Variants in EHBP1 observed in about 807,000 individuals in gnomAD.
EHBP1 encodes the protein EH domain-binding protein 1.
Under a neutral mutation model 144.0 loss-of-function variants are expected in EHBP1, and 55 were observed. That is an observed-to-expected ratio of 0.38 (90% CI 0.31 to 0.48). The LOEUF (loss-of-function observed/expected upper bound fraction) is 0.48. Among genes scored for constraint, EHBP1 ranks in the 20% least tolerant of loss-of-function variants. The pLI is 0.98. For missense variants in EHBP1, 1,200 were observed against 1,364.2 expected (o/e 0.88, Z 1.90); for synonymous variants, 469 against 472.7 (o/e 0.99, Z 0.10).
chr2:62,726,654 A>G (rs1388611870), intron 2 of EHBP1: 2 of 152,168 alleles, frequency 1.3e-5, no homozygotes, highest in Non-Finnish European at 2.9e-5. Flanking sequence ...TGTTAAGTGC[A>G]CTATTGAGAA....
chr2:62,716,592 A>G (rs1303552356), intron 2 of EHBP1, among the ~76,000 whole-genome samples: 4 of 152,238 alleles, frequency 2.6e-5, no homozygotes, highest in Admixed American at 2.6e-4. Flanking sequence ...TTAGTTTGCA[A>G]AGAAAAATAA....
intron 1 of EHBP1, among the ~76,000 whole-genome samples, chr2:62,691,192 A>C (rs541014876): frequency 6.6e-6 from 1 of 152,270 alleles, no homozygotes; most frequent in African/African-American, 2.4e-5. Context: ...CACCAAAATA[A>C]CTTTGTCTTA....
chr2:62,955,476 GT>G (rs5831652), intron 13 of EHBP1, 40 bp from the exon 14 acceptor site: 2,282 of 1,347,132 alleles, frequency 1.7e-3, no homozygotes, highest in South Asian at 4.9e-3. Context: ...TAGATTACCC[GT>G]TTTTTTTTTG....
At chr2:62,736,577 G>T (rs2038160280) in intron 2 of EHBP1, among the ~76,000 whole-genome samples, 1 of 152,200 alleles carries the variant, frequency 6.6e-6, no homozygotes, top group South Asian at 2.1e-4. Context: ...CAAGCTCAGA[G>T]ATTTTTCTTC....
chr2:62,942,157 T>C (rs1226370961), intron 10 of EHBP1, among the ~76,000 whole-genome samples: 1 of 152,146 alleles, frequency 6.6e-6, no homozygotes, highest in African/African-American at 2.4e-5. Context: ...TGCTAATAAC[T>C]CTAAAACTGT....
intron 5 of EHBP1, among the ~76,000 whole-genome samples, chr2:62,795,057 A>G (rs1325734938): frequency 2.6e-5 from 4 of 152,120 alleles, no homozygotes; most frequent in Admixed American, 1.3e-4. Flanking sequence ...AAAAAAATCA[A>G]ATCTGTTTTT....
intron 1 of EHBP1, among the ~76,000 whole-genome samples, chr2:62,699,978 C>G (rs2034227351): frequency 6.6e-6 from 1 of 152,130 alleles, no homozygotes; most frequent in East Asian, 1.9e-4. Flanking sequence ...AACTGAGGTC[C>G]TAGAATTAGT....
At chr2:62,794,924 A>G (rs995968616) in intron 5 of EHBP1, among the ~76,000 whole-genome samples, 1 of 152,074 alleles carries the variant, frequency 6.6e-6, no homozygotes, top group Non-Finnish European at 1.5e-5. Context: ...GTAACACTTC[A>G]TATCTTCTCC....
chr2:62,847,172 CA>C (rs1191382229), intron 7 of EHBP1, among the ~76,000 whole-genome samples: 1 of 152,088 alleles, frequency 6.6e-6, no homozygotes, highest in Non-Finnish European at 1.5e-5. Context: ...CAAGCTTGGC[CA>C]ATTAATTTCA....
At chr2:62,804,686 T>G (rs1244814481) in intron 5 of EHBP1, among the ~76,000 whole-genome samples, 1 of 152,136 alleles carries the variant, frequency 6.6e-6, no homozygotes, top group African/African-American at 2.4e-5. Flanking sequence ...GGATTGGGAG[T>G]ACCAATCCCC....
intron 6 of EHBP1, among the ~76,000 whole-genome samples, chr2:62,830,050 A>C (rs2046690214): frequency 1.3e-5 from 2 of 151,004 alleles, no homozygotes. Context: ...TGCAATGTTT[A>C]TAGTGGCACA....
chr2:62,997,122 A>G (rs935746592), intron 19 of EHBP1, among the ~76,000 whole-genome samples: 13 of 152,172 alleles, frequency 8.5e-5, no homozygotes, highest in African/African-American at 2.7e-4. Context: ...AGCTAAAGCC[A>G]TGTACTGCAT....
In EHBP1 at chr2:62,786,691, T is replaced by A. The variant is rs532738936; in HGVS notation, c.312+15299T>A. Among the ~76,000 whole-genome samples, 130 of 152,378 alleles carry A rather than the reference T, an allele frequency of 8.5e-4. 2 individuals are homozygous for A. The highest frequency in any genetic ancestry group is 2.9e-3 in the African/African-American group (119 of 41,590). ...TATGATTTAATTTTTCACATCTTGT[T>A]TAATTTCTGAACTTGGATAATTTGC... On this transcript the variant is annotated intron_variant, in intron 5 of 22. Transcript: ENST00000431489.
chr2:62,979,322 A>G lies in EHBP1; in HGVS notation c.2595A>G (p.Ser865=). Reference sequence around the variant, plus strand: ...CTGCAGAAAAGTTGAAAGAAAGGTCAAAGGCATCTGGAGGTGAGTTAAAGA... The same window carrying G: ...CTGCAGAAAAGTTGAAAGAAAGGTCGAAGGCATCTGGAGGTGAGTTAAAGA... The part of the protein sequence containing the change: ...EMAAEKLKER[S]KASGEQNSKL... Residue 865 remains serine (S), a synonymous_variant, in exon 15 of 23, where the codon TCA becomes TCG. Coordinates refer to ENST00000431489, the MANE Select transcript of EHBP1 (RefSeq NM_001142616.3). The G allele has an allele frequency of 6.2e-7, 1 of 1,613,766 alleles. No homozygotes were observed.
At position 63,045,243 on chromosome 2, in the gene EHBP1, G is replaced by C. The variant is rs1302091987; in HGVS notation, c.3392+63G>C. 1.3e-6 allele frequency: 2 copies of C among 1,493,854 alleles called. No homozygotes were observed. The highest frequency in any genetic ancestry group is 3.9e-5 in the Admixed American group (2 of 51,026). The allele number at this position is 1,493,854 out of a possible 1,614,324, so 92.5% of individuals were successfully genotyped here. A position where few individuals can be genotyped will look rare whatever the true frequency, so the allele number is the denominator to read the frequency against. ...CTGCCGAGGGGCCGAGAAGTGTGCG[G>C]AAAGTTCAATCCAGAGGTCGCGGGA... On this transcript the variant is annotated intron_variant, in intron 22 of 22. Coordinates refer to ENST00000431489, the MANE Select transcript of EHBP1 (RefSeq NM_001142616.3). The surrounding 1 kb of genome is among the most constrained non-coding windows in gnomAD (Gnocchi z 5.7).
chr2:62,849,448 C>T (rs1266331184), intron 7 of EHBP1, among the ~76,000 whole-genome samples: 1 of 152,060 alleles, frequency 6.6e-6, no homozygotes, highest in Non-Finnish European at 1.5e-5. Context: ...CATTGAACTA[C>T]CCAGCTAGGT....
chr2:62,855,152 A>T (rs1195789748), intron 7 of EHBP1, among the ~76,000 whole-genome samples: 1 of 152,154 alleles, frequency 6.6e-6, no homozygotes, highest in Non-Finnish European at 1.5e-5. Flanking sequence ...CTGCCCTCTC[A>T]GCCTCAGAAG....
intron 1 of EHBP1, among the ~76,000 whole-genome samples, chr2:62,680,599 G>A (rs1390081415): frequency 2.6e-5 from 4 of 152,132 alleles, no homozygotes; most frequent in African/African-American, 4.8e-5. Flanking sequence ...TAAAACAGGA[G>A]GGAGGAGAAT....
upstream of EHBP1, among the ~76,000 whole-genome samples, chr2:62,704,345 G>C (rs1483129484): frequency 6.6e-6 from 1 of 152,138 alleles, no homozygotes; most frequent in African/African-American, 2.4e-5. Flanking sequence ...CATCTCTCTT[G>C]ATTCTTCAAC....
Sources: gnomAD v4.1 joint callset for allele counts (sites outside exome capture counted in the v4.1 genomes callset) on GRCh38, gnomAD v4.1.1 for gene constraint, Gnocchi (gnomAD v3.1) non-coding constraint, MANE v1.5 for transcripts, NCBI Gene and HGNC (gene_info 2026-07-23, HGNC 2026-07-21) for gene names.